Variants in KCTD1 observed in about 807,000 individuals in gnomAD.
The protein encoded by KCTD1 is potassium channel tetramerization domain containing 1.
In KCTD1, 24 loss-of-function variants were observed where a neutral mutation model predicts 66.0. That is an observed-to-expected ratio of 0.36 (90% CI 0.26 to 0.51). KCTD1 has a LOEUF of 0.51. KCTD1 is among the 20% of genes least tolerant of loss of function. KCTD1 has a pLI of 0.95. For missense variants in KCTD1, 943 were observed against 1,205.2 expected, an observed-to-expected ratio of 0.78 and a Z score of 3.22; for synonymous variants, 511 against 517.2, an observed-to-expected ratio of 0.99 and a Z score of 0.16.
At chr18:26,515,428 T>C (rs981008586) in intron 1 of KCTD1, among the ~76,000 whole-genome samples, 4 of 151,838 alleles carry the variant, frequency 2.6e-5, no homozygotes, top group Admixed American at 1.3e-4. Context: ...TAAACTTACA[T>C]CCTCCTATCT....
intron 1 of KCTD1, among the ~76,000 whole-genome samples, chr18:26,567,697 C>A (rs1288057282): frequency 6.6e-6 from 1 of 151,956 alleles, no homozygotes; most frequent in Non-Finnish European, 1.5e-5. Flanking sequence ...CCATGTTGGC[C>A]AGGCTGGTCT....
intron 2 of KCTD1, among the ~76,000 whole-genome samples, chr18:26,487,825 C>A (rs542114821): frequency 6.6e-6 from 1 of 152,178 alleles, no homozygotes; most frequent in African/African-American, 2.4e-5. Flanking sequence ...TTCTCCCTAC[C>A]CCTCAAAGAA....
intron 3 of KCTD1, 59 bp from the exon 4 acceptor site, chr18:26,459,984 C>G: frequency 7.8e-7 from 1 of 1,276,524 alleles, no homozygotes. Context: ...CTAAACATGT[C>G]CACATCTAAG....
chr18:26,629,919 T>C (rs1987581907), upstream of KCTD1, among the ~76,000 whole-genome samples: 1 of 152,072 alleles, frequency 6.6e-6, no homozygotes, highest in Non-Finnish European at 1.5e-5. Flanking sequence ...GGTTTCACCA[T>C]GTTGACCAGG....
chr18:26,479,412 C>CA (rs1981514292), intron 2 of KCTD1, among the ~76,000 whole-genome samples: 1 of 152,262 alleles, frequency 6.6e-6, no homozygotes, highest in South Asian at 2.1e-4. Flanking sequence ...GGTGAAACCG[C>CA]AGACCCCCCG....
In KCTD1 at chr18:26,547,184, G is replaced by A; in HGVS notation, c.1353C>T (p.His451=). 6.4e-7 allele frequency: 1 copy of A among 1,551,282 alleles called. No homozygotes were observed. Among genetic ancestry groups the A allele is most frequent in the Non-Finnish European group, 8.7e-7 (1 of 1,147,002 alleles). ...TGGCGATGGAGACGGCGCCGATGCA[G>A]TGGTTGGTGTAGGTCTTGGAGAGCT... ...AAKLSKTYTN[H]CIGAVSIATL... is the part of the protein sequence containing the mutation. The change falls in exon 1 of 5, where the codon CAC becomes CAT. Residue 451 remains histidine (H), a synonymous_variant. Transcript: ENST00000580059.
chr18:26,548,767 G>C (rs1465717777), upstream of KCTD1: 3 of 1,124,562 alleles, frequency 2.7e-6, no homozygotes, highest in African/African-American at 4.9e-5. Context: ...ATAGGGTAAA[G>C]GACGGAGGCT....
intron 1 of KCTD1, chr18:26,545,088 TACGTC>T (rs1339195936): frequency 6.6e-6 from 1 of 152,234 alleles, no homozygotes; most frequent in Non-Finnish European, 1.5e-5. Flanking sequence ...TGTGGTTCTT[TACGTC>T]ACAATTCTAT....
intron 1 of KCTD1, chr18:26,657,258 T>C (rs1988177500): frequency 2.3e-6 from 2 of 875,158 alleles, no homozygotes; most frequent in Non-Finnish European, 1.4e-6. Flanking sequence ...TGTGCCGCGC[T>C]CTCGCCCCAT....
At chr18:26,562,443 G>A (rs1985882935) in intron 1 of KCTD1, among the ~76,000 whole-genome samples, 1 of 138,208 alleles carries the variant, frequency 7.2e-6, no homozygotes. Flanking sequence ...TGGGGGGGTG[G>A]GGGCGGGGGG....
upstream of KCTD1, among the ~76,000 whole-genome samples, chr18:26,552,820 G>A (rs1253686454): frequency 6.6e-6 from 1 of 151,864 alleles, no homozygotes; most frequent in African/African-American, 2.4e-5. Flanking sequence ...TGAGAGCAGA[G>A]GCCAGAAAAA....
At chr18:26,567,225 C>G (rs1463699523) in intron 1 of KCTD1, among the ~76,000 whole-genome samples, 8 of 152,198 alleles carry the variant, frequency 5.3e-5, no homozygotes, top group Non-Finnish European at 1.0e-4. Context: ...TTCTGCTAAT[C>G]CTTACCTTCA....
At chr18:26,629,558 G>C (rs76776543), upstream of KCTD1, among the ~76,000 whole-genome samples, 49 of 152,304 alleles carry the variant, frequency 3.2e-4, 2 homozygotes, top group East Asian at 7.9e-3. Context: ...GAGCAGAGCA[G>C]CTGAGCCTAG....
At position 26,468,220 on chromosome 18, in the gene KCTD1, T is replaced by C. The variant is rs1329931190; in HGVS notation, c.2133+8295A>G. Among the ~76,000 whole-genome samples the C allele has an allele frequency of 6.6e-6, 1 of 152,180 alleles. No homozygotes were observed. Among genetic ancestry groups the C allele is most frequent in the Non-Finnish European group, 1.5e-5 (1 of 68,032 alleles). On this transcript the variant is annotated intron_variant, in intron 3 of 4. Transcript: ENST00000580059. The surrounding 1 kb of genome is among the most constrained non-coding windows in gnomAD (Gnocchi z 4.8). ...AAAATTAAGGGAAGAGGGACAGTCA[T>C]ATCCATAATAAAACACTGCAGAAAA...
intron 1 of KCTD1, among the ~76,000 whole-genome samples, chr18:26,655,231 G>A (rs1385561026): frequency 7.2e-4 from 110 of 152,256 alleles, no homozygotes; most frequent in South Asian, 4.1e-4. Context: ...AAAACAGGAG[G>A]TCTCTTAAGG....
intron 1 of KCTD1, chr18:26,599,526 G>A (rs35961335): frequency 0.032 from 50,281 of 1,549,946 alleles, 1,004 homozygotes; most frequent in Non-Finnish European, 0.036. Context: ...AATGAGGGCC[G>A]TGGGTCTGTG....
At position 26,468,916 on chromosome 18, in the gene KCTD1, G is replaced by C. The variant is rs1042740230; in HGVS notation, c.2133+7599C>G. The stretch of plus-strand genomic sequence containing the variant: ...AGAGAAAACTCTGACGAGGAAGAAA[G>C]CACCAATAGTACTGTTCAGGACGTG... On this transcript the variant is annotated intron_variant, in intron 3 of 4. Coordinates refer to ENST00000580059, the MANE Select transcript of KCTD1 (RefSeq NM_001142730.3). The surrounding 1 kb of genome is among the most constrained non-coding windows in gnomAD (Gnocchi z 4.8). Among the ~76,000 whole-genome samples, 1 of 152,220 alleles carries C rather than the reference G, an allele frequency of 6.6e-6. No homozygotes were observed. Among genetic ancestry groups the C allele is most frequent in the Non-Finnish European group, 1.5e-5 (1 of 68,040 alleles).
intron 2 of KCTD1, among the ~76,000 whole-genome samples, chr18:26,482,656 G>C (rs997315151): frequency 5.3e-5 from 8 of 152,130 alleles, no homozygotes; most frequent in Non-Finnish European, 1.2e-4. Context: ...GCACTGTCTA[G>C]GGCACCCCAT....
At position 26,497,377 on chromosome 18, in the gene KCTD1, G is replaced by A. The variant is rs79523054; in HGVS notation, c.1988+3695C>T. Among the ~76,000 whole-genome samples the A allele has an allele frequency of 9.7e-3, 1,481 of 152,148 alleles. 16 individuals are homozygous for A. The highest frequency in any genetic ancestry group is 0.033 in the African/African-American group (1,382 of 41,482). On this transcript the variant is annotated intron_variant, in intron 2 of 4. Transcript: ENST00000580059. ...AGAATGGTCCCATAGGGTAGGAAGG[G>A]TTTGAAGCACCCCAGAATCTACAAA...
Sources: gnomAD v4.1 joint callset for allele counts (sites outside exome capture counted in the v4.1 genomes callset) on GRCh38, gnomAD v4.1.1 for gene constraint, Gnocchi (gnomAD v3.1) non-coding constraint, MANE v1.5 for transcripts, NCBI Gene and HGNC (gene_info 2026-07-23, HGNC 2026-07-21) for gene names.